ANO3: variants seen among roughly 807,000 people sequenced by gnomAD.
ANO3 encodes the protein anoctamin 3, also known as anoctamin-3.
ANO3 carries 99 observed loss-of-function variants against 144.8 expected under a neutral mutation model. That is an observed-to-expected ratio of 0.68 (90% CI 0.58 to 0.81). The LOEUF (loss-of-function observed/expected upper bound fraction) is 0.81, where lower values mean the gene tolerates loss of function less well. Ranked by LOEUF, ANO3 falls within the 30% of genes least tolerant of loss-of-function variation. ANO3 has a pLI of 0.00. For missense variants in ANO3, 905 were observed against 1,202.2 expected (o/e 0.75, Z 3.66); for synonymous variants, 414 against 392.6 (o/e 1.05, Z -0.64).
intron 23 of ANO3, among the ~76,000 whole-genome samples, chr11:26,646,441 A>G (rs1204496721): frequency 6.6e-6 from 1 of 152,132 alleles, no homozygotes; most frequent in Admixed American, 6.5e-5. Context: ...AAATGTTTGC[A>G]TATTTTAATT....
At chr11:26,513,414 G>A (rs78146051) in intron 5 of ANO3, among the ~76,000 whole-genome samples, 13,533 of 152,232 alleles carry the variant, frequency 0.089, 856 homozygotes, top group Admixed American at 0.14. Flanking sequence ...CAGAGTGATA[G>A]CTGTGAAGGA....
intron 1 of ANO3, among the ~76,000 whole-genome samples, chr11:26,440,387 A>G (rs1365167614): frequency 6.6e-6 from 1 of 152,156 alleles, no homozygotes; most frequent in Non-Finnish European, 1.5e-5. Flanking sequence ...ATATAATATG[A>G]ATGACAGGGG....
chr11:26,490,788 G>A (rs1022997645), intron 4 of ANO3, among the ~76,000 whole-genome samples: 1 of 152,142 alleles, frequency 6.6e-6, no homozygotes, highest in Non-Finnish European at 1.5e-5. Context: ...GTTTAATTTG[G>A]CAAGTGTTTC....
At chr11:26,660,087 G>C (rs1484324810) in intron 26 of ANO3, among the ~76,000 whole-genome samples, 175 bp from the exon 27 acceptor site, 1 of 152,136 alleles carries the variant, frequency 6.6e-6, no homozygotes, top group African/African-American at 2.4e-5. Flanking sequence ...ACTTAAGGAA[G>C]AAAGCAACAG....
intron 1 of ANO3, among the ~76,000 whole-genome samples, chr11:26,322,009 C>T (rs1854772202): frequency 6.6e-6 from 1 of 151,904 alleles, no homozygotes; most frequent in African/African-American, 2.4e-5. Context: ...TTTTATATTT[C>T]ATCCTATCAT....
chr11:26,335,765 A>G (rs1029598784), intron 1 of ANO3, among the ~76,000 whole-genome samples: 4 of 152,146 alleles, frequency 2.6e-5, no homozygotes, highest in Admixed American at 6.5e-5. Flanking sequence ...AGGACTTGCT[A>G]CTATAGGAAG....
chr11:26,233,858 T>G (rs968464915), intron 1 of ANO3, among the ~76,000 whole-genome samples: 2 of 152,020 alleles, frequency 1.3e-5, no homozygotes, highest in East Asian at 3.9e-4. Context: ...AACCAAACAC[T>G]GCATGTTCTC....
intron 4 of ANO3, among the ~76,000 whole-genome samples, chr11:26,498,262 G>A (rs775314787): frequency 7.9e-5 from 12 of 152,006 alleles, no homozygotes; most frequent in East Asian, 3.9e-4. Context: ...GGACTTTACC[G>A]TTTGAAGGTC....
intron 18 of ANO3, among the ~76,000 whole-genome samples, chr11:26,631,709 T>C (rs1355051907): frequency 1.3e-5 from 2 of 152,076 alleles, no homozygotes; most frequent in Non-Finnish European, 2.9e-5. Context: ...TCAAATGTCA[T>C]CAGGTTAATA....
chr11:26,324,848 G>A (rs1427716699), intron 1 of ANO3, among the ~76,000 whole-genome samples: 1 of 152,102 alleles, frequency 6.6e-6, no homozygotes, highest in African/African-American at 2.4e-5. Context: ...ATTTATATGA[G>A]GCAAGTTTCT....
intron 1 of ANO3, among the ~76,000 whole-genome samples, chr11:26,203,322 A>G (rs1301292081): frequency 6.6e-6 from 1 of 152,162 alleles, no homozygotes; most frequent in African/African-American, 2.4e-5. Flanking sequence ...GCAACATTGT[A>G]CGCTACCTTT....
chr11:26,316,880 C>A (rs1254742855), intron 1 of ANO3, among the ~76,000 whole-genome samples: 1 of 152,168 alleles, frequency 6.6e-6, no homozygotes, highest in African/African-American at 2.4e-5. Flanking sequence ...ATTCTGGCAG[C>A]CCAACCTTGC....
chr11:26,252,686 A>C (rs547406377), intron 1 of ANO3, among the ~76,000 whole-genome samples: 3 of 152,206 alleles, frequency 2.0e-5, no homozygotes, highest in African/African-American at 7.2e-5. Flanking sequence ...CTACTTATAC[A>C]TATGAGTATG....
intron 6 of ANO3, among the ~76,000 whole-genome samples, chr11:26,517,426 T>G (rs1384058756): frequency 6.6e-6 from 1 of 152,042 alleles, no homozygotes; most frequent in Non-Finnish European, 1.5e-5. Context: ...TTTCAAAGAT[T>G]TTTCAGTCCT....
chr11:26,549,406 G>A (rs182795501), intron 12 of ANO3, among the ~76,000 whole-genome samples: 1 of 152,062 alleles, frequency 6.6e-6, no homozygotes, highest in African/African-American at 2.4e-5. Flanking sequence ...ACGTGGTTGA[G>A]TTGTAGGTGT....
At chr11:26,423,679 C>T (rs528227647) in intron 1 of ANO3, among the ~76,000 whole-genome samples, 3 of 151,962 alleles carry the variant, frequency 2.0e-5, no homozygotes, top group Middle Eastern at 3.4e-3. Flanking sequence ...TTGCCAAGAT[C>T]GTGGATATAG....
intron 14 of ANO3, among the ~76,000 whole-genome samples, chr11:26,594,064 C>T (rs1851534510): frequency 1.3e-5 from 2 of 152,270 alleles, no homozygotes; most frequent in Admixed American, 6.5e-5. Context: ...GAGAGGTATG[C>T]TTCCCCAATG....
chr11:26,365,656 G>T (rs1210429256), intron 1 of ANO3, among the ~76,000 whole-genome samples: 1 of 152,176 alleles, frequency 6.6e-6, no homozygotes, highest in Admixed American at 6.5e-5. Context: ...GACTAAAGCT[G>T]TACCTGGACG....
intron 1 of ANO3, among the ~76,000 whole-genome samples, chr11:26,259,395 A>T (rs1853132057): frequency 6.6e-6 from 1 of 152,174 alleles, no homozygotes; most frequent in African/African-American, 2.4e-5. Context: ...CACGCCTATA[A>T]TTCCACCTCT....
Sources: allele counts gnomAD v4.1 joint callset (sites outside exome capture counted in the v4.1 genomes callset), GRCh38; gene constraint gnomAD v4.1.1; transcripts MANE v1.5; gene names NCBI Gene and HGNC (gene_info 2026-07-23, HGNC 2026-07-21).